Variants in ARHGAP8 observed in about 807,000 individuals in gnomAD.
ARHGAP8 encodes Rho GTPase activating protein 8.
Under a neutral mutation model 46.1 loss-of-function variants are expected in ARHGAP8, and 62 were observed. The observed-to-expected ratio is 1.34, with a 90% CI of 1.10 to 1.66. The LOEUF (loss-of-function observed/expected upper bound fraction) is 1.66, where lower values mean the gene tolerates loss of function less well. ARHGAP8 is among the 40% of genes most tolerant of loss of function. The pLI is 0.00. For synonymous variants in ARHGAP8, 375 were observed against 243.1 expected, an observed-to-expected ratio of 1.54 and a Z score of -5.05; for missense variants, 923 against 568.4, an observed-to-expected ratio of 1.62 and a Z score of -6.34.
intron 7 of ARHGAP8, among the ~76,000 whole-genome samples, chr22:44,833,101 T>C (rs8136189): frequency 1.1e-3 from 64 of 56,632 alleles, no homozygotes; most frequent in South Asian, 3.9e-3. Flanking sequence ...CTTTTCTTTT[T>C]TTTTTTTTTT....
intron 11 of ARHGAP8, among the ~76,000 whole-genome samples, chr22:44,860,755 CAA>C (rs2070437645): frequency 8.0e-6 from 1 of 125,708 alleles, no homozygotes; most frequent in Non-Finnish European, 1.8e-5. Flanking sequence ...CCTGTGCAGC[CAA>C]CAGGGGAAGG....
chr22:44,792,173 G>T (rs1468257726), intron 2 of ARHGAP8, among the ~76,000 whole-genome samples: 3 of 151,920 alleles, frequency 2.0e-5, no homozygotes, highest in South Asian at 2.1e-4. Context: ...CACCACGCCT[G>T]GCTAATTTTT....
rs891197527 is a variant in ARHGAP8, at chr22:44,808,322, A to G, written c.183A>G (p.Thr61=). The stretch of plus-strand genomic sequence containing the variant: ...TTGTGCCCAGGTATTTGAAGTACAC[A>G]CTGGACCAATACGTTGAGAACGATT... ...HQRLLEYLKY[T]LDQYVENDYT... is the part of the protein sequence containing the mutation. Residue 61 remains threonine (T), a synonymous_variant, in exon 4 of 12, where the codon ACA becomes ACG. Transcript: ENST00000356099. The G allele has an allele frequency of 2.5e-6, 4 of 1,614,032 alleles. No homozygotes were observed. The African/African-American group carries it at 4.0e-5, about 16-fold the overall frequency.
intron 7 of ARHGAP8, among the ~76,000 whole-genome samples, chr22:44,825,858 G>A (rs969191473): frequency 7.7e-6 from 1 of 129,888 alleles, no homozygotes; most frequent in African/African-American, 2.9e-5. Flanking sequence ...CGTGCTCGCT[G>A]CTCGGTGCCT....
chr22:44,843,785 G>A (rs112817482), intron 7 of ARHGAP8, among the ~76,000 whole-genome samples: 1,964 of 142,206 alleles, frequency 0.014, 47 homozygotes, highest in African/African-American at 0.049. Context: ...AGATCACACC[G>A]CTGTACTCCA....
chr22:44,787,173 T>C (rs554083422), intron 2 of ARHGAP8, among the ~76,000 whole-genome samples: 1 of 152,296 alleles, frequency 6.6e-6, no homozygotes, highest in South Asian at 2.1e-4. Flanking sequence ...CCTGCTAGGC[T>C]TTAAAGAGCA....
At chr22:44,775,242 C>T (rs536740205) in intron 1 of ARHGAP8, among the ~76,000 whole-genome samples, 1 of 152,176 alleles carries the variant, frequency 6.6e-6, no homozygotes, top group Non-Finnish European at 1.5e-5. Flanking sequence ...TCAGCACCAG[C>T]GTTTTATGTA....
chr22:44,861,998 G>A (rs1349841423), intron 11 of ARHGAP8, among the ~76,000 whole-genome samples: 1 of 152,214 alleles, frequency 6.6e-6, no homozygotes, highest in Non-Finnish European at 1.5e-5. Context: ...CCCAGAAGGT[G>A]CAGTGGAAGA....
At position 44,808,344 on chromosome 22, in the gene ARHGAP8, G is replaced by A. The variant is rs959478163; in HGVS notation, c.205G>A (p.Asp69Asn). ...KYTLDQYVENDYTIVYFHYGL... is the reference protein window; with the variant it reads ...KYTLDQYVENNYTIVYFHYGL... ...CACACTGGACCAATACGTTGAGAAC[G>A]ATTATACCATCGTCTATTTCCACTA... The change falls in exon 4 of 12, where the codon GAT becomes AAT. Residue 69 changes from aspartate to asparagine, a missense_variant. Asp to Asn is a conservative substitution (Grantham distance 23). Coordinates refer to ENST00000356099, the MANE Select transcript of ARHGAP8 (RefSeq NM_181335.3). 4.0e-5 allele frequency: 65 copies of A among 1,614,122 alleles called. No homozygotes were observed. Among genetic ancestry groups the A allele is most frequent in the Non-Finnish European group, 5.3e-5 (62 of 1,180,048 alleles).
intron 2 of ARHGAP8, among the ~76,000 whole-genome samples, chr22:44,799,386 C>T (rs1167199121): frequency 3.3e-5 from 5 of 152,204 alleles, no homozygotes; most frequent in African/African-American, 4.8e-5. Context: ...GAGGGCATTG[C>T]GGATGCGGGG....
At chr22:44,781,121 C>CCG in intron 1 of ARHGAP8, among the ~76,000 whole-genome samples, 1 of 152,186 alleles carries the variant, frequency 6.6e-6, no homozygotes, top group Admixed American at 6.5e-5. Flanking sequence ...TTTGAAATAA[C>CCG]CAGAGGCGAT....
At chr22:44,849,633 T>TA (rs1384278959) in intron 10 of ARHGAP8, 2 of 152,710 alleles carry the variant, frequency 1.3e-5, no homozygotes, top group Non-Finnish European at 2.9e-5. Flanking sequence ...GAAAGAACCA[T>TA]AAAACCCCTC....
At chr22:44,783,865 G>C (rs4823378) in intron 1 of ARHGAP8, among the ~76,000 whole-genome samples, 136,921 of 151,786 alleles carry the variant, frequency 0.9, 61,912 homozygotes, top group Non-Finnish European at 0.94. Context: ...CGCAGAGCCT[G>C]TCCCCATCAT....
chr22:44,800,555 T>TG (rs1250490983), intron 2 of ARHGAP8, among the ~76,000 whole-genome samples: 1 of 142,338 alleles, frequency 7.0e-6, no homozygotes, highest in Non-Finnish European at 1.5e-5. Flanking sequence ...TGTCCATGTG[T>TG]GGGGGGCGCC....
intron 10 of ARHGAP8, chr22:44,850,158 A>G (rs2070058615): frequency 1.3e-5 from 2 of 152,146 alleles, no homozygotes; most frequent in South Asian, 4.1e-4. Flanking sequence ...ACTCCCCTCA[A>G]AGGCAAATTT....
chr22:44,789,045 T>C (rs894252329), intron 2 of ARHGAP8, among the ~76,000 whole-genome samples: 4 of 152,230 alleles, frequency 2.6e-5, no homozygotes, highest in African/African-American at 4.8e-5. Flanking sequence ...CAGTTACTAA[T>C]GGAAGAGTGT....
intron 7 of ARHGAP8, among the ~76,000 whole-genome samples, chr22:44,840,258 G>A (rs1033327430): frequency 4.6e-5 from 7 of 152,320 alleles, no homozygotes; most frequent in South Asian, 4.1e-4. Context: ...ATTTTCTTGC[G>A]ATTCTGGAGG....
intron 11 of ARHGAP8, among the ~76,000 whole-genome samples, chr22:44,860,053 T>C (rs549036306): frequency 6.6e-6 from 1 of 151,896 alleles, no homozygotes; most frequent in South Asian, 2.1e-4. Context: ...TACCTGCCCC[T>C]GCCTGCTCCT....
Position 44,862,617 on chromosome 22 carries a change from T to C in ARHGAP8, c.*22T>C, listed in dbSNP as rs985999368. On this transcript the variant is annotated 3_prime_UTR_variant, in exon 12 of 12. Transcript: ENST00000356099. ...CTAGTGTTGCGAACACTCTGTATATTTCGAGCTACCTCCCACACCTGTCTG... is the reference window on the plus strand; with the variant it reads ...CTAGTGTTGCGAACACTCTGTATATCTCGAGCTACCTCCCACACCTGTCTG... The C allele has an allele frequency of 5.3e-6, 8 of 1,521,512 alleles. No homozygotes were observed. The highest frequency in any genetic ancestry group is 6.2e-6 in the Non-Finnish European group (7 of 1,129,082). 94.3% of individuals were successfully genotyped at this position (1,521,512 alleles called of 1,614,324 possible). A position where few individuals can be genotyped will look rare whatever the true frequency, so the allele number is the denominator to read the frequency against.
Sources: gnomAD v4.1 joint callset for allele counts (sites outside exome capture counted in the v4.1 genomes callset) on GRCh38, gnomAD v4.1.1 for gene constraint, MANE v1.5 for transcripts, NCBI Gene and HGNC (gene_info 2026-07-23, HGNC 2026-07-21) for gene names.